Variants in STAU2 observed in about 807,000 individuals in gnomAD.
STAU2 encodes staufen double-stranded RNA binding protein 2.
In STAU2, 20 loss-of-function variants were observed where a neutral mutation model predicts 65.9. That is an observed-to-expected ratio of 0.30 (90% CI 0.21 to 0.44). The LOEUF (loss-of-function observed/expected upper bound fraction) is 0.44. STAU2 is among the 20% of genes least tolerant of loss of function. The probability of loss-of-function intolerance (pLI) is 1.00; values close to 1 mark genes in which losing one functional copy is unlikely to be tolerated. For synonymous variants in STAU2, 232 were observed against 233.9 expected, an observed-to-expected ratio of 0.99 and a Z score of 0.07; for missense variants, 558 against 683.9, an observed-to-expected ratio of 0.82 and a Z score of 2.05.
rs979361032 is a variant in STAU2 at position 73,638,639 on chromosome 8, G to C, written c.411-21188C>G. Among the ~76,000 whole-genome samples the C allele has an allele frequency of 5.3e-5, 8 of 151,204 alleles. No individual in the cohort carries two copies. In the South Asian group the frequency reaches 1.7e-3, roughly 31 times the overall value. On this transcript the variant is annotated intron_variant, in intron 6 of 14. Coordinates refer to ENST00000524300, the MANE Select transcript of STAU2 (RefSeq NM_001164380.2). ...CAAGACATTCTTAAATTCAGTCACT[G>C]TCCCATGCTTACCTGTTTTTAAAAA... is the stretch of plus-strand genomic sequence containing the variant.
chr8:73,649,254 A>G (rs1229132823), intron 6 of STAU2, among the ~76,000 whole-genome samples: 1 of 152,204 alleles, frequency 6.6e-6, no homozygotes, highest in Admixed American at 6.5e-5. Flanking sequence ...CCAGTTAAAA[A>G]TATTTTTTTG....
chr8:73,651,312 A>T (rs1815857804), intron 6 of STAU2: 1 of 677,778 alleles, frequency 1.5e-6, no homozygotes, highest in Admixed American at 2.0e-5. Context: ...TTCACCACGG[A>T]GCAGGTCCGT....
At chr8:73,655,347 T>C (rs1816271209) in intron 6 of STAU2, among the ~76,000 whole-genome samples, 1 of 152,174 alleles carries the variant, frequency 6.6e-6, no homozygotes, top group Admixed American at 6.5e-5. Context: ...CATCCACCTT[T>C]ATCTACTCAA....
chr8:73,541,491 G>A (rs1806540854), intron 13 of STAU2, among the ~76,000 whole-genome samples: 1 of 152,144 alleles, frequency 6.6e-6, no homozygotes, highest in Non-Finnish European at 1.5e-5. Flanking sequence ...GGGAAGAAAT[G>A]ATGATCCACA....
intron 13 of STAU2, among the ~76,000 whole-genome samples, chr8:73,469,799 A>G (rs937992749): frequency 6.6e-6 from 1 of 152,204 alleles, no homozygotes. Flanking sequence ...CTCGAATTAG[A>G]GCGAGGTTGT....
chr8:73,485,564 T>C (rs1196421087), intron 13 of STAU2, among the ~76,000 whole-genome samples: 1 of 151,976 alleles, frequency 6.6e-6, no homozygotes, highest in African/African-American at 2.4e-5. Context: ...CAAGAACCAA[T>C]ATAATGGCAA....
At chr8:73,622,634 T>G (rs1813350296) in intron 6 of STAU2, among the ~76,000 whole-genome samples, 1 of 152,240 alleles carries the variant, frequency 6.6e-6, no homozygotes, top group African/African-American at 2.4e-5. Context: ...AATTTTTGTT[T>G]ATTAAATTGT....
At chr8:73,636,943 T>C (rs1814570286) in intron 6 of STAU2, among the ~76,000 whole-genome samples, 1 of 150,126 alleles carries the variant, frequency 6.7e-6, no homozygotes, top group Non-Finnish European at 1.5e-5. Flanking sequence ...AATGAATAAA[T>C]GTATGGAGAA....
At chr8:73,524,088 G>GA (rs1823210302) in intron 13 of STAU2, among the ~76,000 whole-genome samples, 1 of 152,054 alleles carries the variant, frequency 6.6e-6, no homozygotes, top group African/African-American at 2.4e-5. Flanking sequence ...AGCAAAGGTA[G>GA]AAAAAATGAG....
At chr8:73,553,795 A>G (rs1161384816) in intron 12 of STAU2, among the ~76,000 whole-genome samples, 1 of 151,474 alleles carries the variant, frequency 6.6e-6, no homozygotes, top group East Asian at 2.0e-4. Context: ...GCTACTTTTT[A>G]AAGTTTTCTT....
intron 13 of STAU2, among the ~76,000 whole-genome samples, chr8:73,461,475 C>T (rs150875537): frequency 1.3e-5 from 2 of 152,034 alleles, no homozygotes; most frequent in Non-Finnish European, 2.9e-5. Flanking sequence ...GGAAGCCATC[C>T]TCTGTGGTTT....
At chr8:73,435,357 A>G (rs1817612097) in intron 13 of STAU2, among the ~76,000 whole-genome samples, 1 of 151,854 alleles carries the variant, frequency 6.6e-6, no homozygotes, top group South Asian at 2.1e-4. Context: ...GTGTCCACAG[A>G]ACATCCTCAA....
chr8:73,576,115 T>A (rs964232046), intron 12 of STAU2, among the ~76,000 whole-genome samples: 49 of 152,166 alleles, frequency 3.2e-4, no homozygotes, highest in African/African-American at 1.2e-3. Context: ...GTATTTCTTG[T>A]AAATTTGAAC....
At chr8:73,596,664 T>C (rs1458428067) in intron 10 of STAU2, among the ~76,000 whole-genome samples, 1 of 151,876 alleles carries the variant, frequency 6.6e-6, no homozygotes, top group Non-Finnish European at 1.5e-5. Context: ...GCCTGGGCAA[T>C]ATAGTGAGAC....
chr8:73,681,561 G>GA (rs1054106867), intron 5 of STAU2, among the ~76,000 whole-genome samples: 4 of 151,628 alleles, frequency 2.6e-5, no homozygotes, highest in Non-Finnish European at 5.9e-5. Context: ...AACACAATGA[G>GA]AAAAAACAGA....
chr8:73,704,552 T>C lies in STAU2; in HGVS notation c.114+4480A>G, dbSNP rs145007350. Reference sequence around the variant, plus strand: ...CAAAGCACTTATGAATGAACAGACATAGTTCTTTTAAAAACTTTAGTTCAA... The same window carrying C: ...CAAAGCACTTATGAATGAACAGACACAGTTCTTTTAAAAACTTTAGTTCAA... On this transcript the variant is annotated intron_variant, in intron 4 of 14. Transcript: ENST00000524300. Among the ~76,000 whole-genome samples, 30 of 152,340 alleles carry C rather than the reference T, an allele frequency of 2.0e-4. No individual in the cohort carries two copies. The East Asian group carries it at 5.4e-3, about 27-fold the overall frequency.
intron 6 of STAU2, among the ~76,000 whole-genome samples, chr8:73,628,243 T>TA: frequency 6.6e-6 from 1 of 151,716 alleles, no homozygotes; most frequent in South Asian, 2.1e-4. Flanking sequence ...CTGGCTAATT[T>TA]TTTTTTTTTG....
intron 13 of STAU2, among the ~76,000 whole-genome samples, chr8:73,484,702 T>C (rs980974105): frequency 3.9e-5 from 6 of 152,088 alleles, no homozygotes; most frequent in Non-Finnish European, 8.8e-5. Context: ...TGGCTCCTGC[T>C]TTTCCCTAGA....
rs1205872362 is a variant in STAU2 at position 73,471,836 on chromosome 8, A to AG, written c.1531-49135_1531-49134insC. ...TCCAACTAAAAAAAAAAAAAAAAAA[A>AG]AGAGAGAAGAAGGAGAAGGAGAAGG... On this transcript the variant is annotated intron_variant, in intron 13 of 14. Coordinates refer to ENST00000524300, the MANE Select transcript of STAU2 (RefSeq NM_001164380.2). 4.4e-3 allele frequency among the ~76,000 whole-genome samples: 642 copies of AG among 145,768 alleles called. 2 individuals are homozygous for AG. The highest frequency in any genetic ancestry group is 6.9e-3 in the Non-Finnish European group (461 of 67,138).
Sources: allele counts gnomAD v4.1 joint callset (sites outside exome capture counted in the v4.1 genomes callset), GRCh38; gene constraint gnomAD v4.1.1; transcripts MANE v1.5; gene names NCBI Gene and HGNC (gene_info 2026-07-23, HGNC 2026-07-21).